Variants in RNF182 observed in about 807,000 individuals in gnomAD.
RNF182 encodes the protein ring finger protein 182, also known as E3 ubiquitin-protein ligase RNF182.
In RNF182, 15 loss-of-function variants were observed where a neutral mutation model predicts 14.4. The observed-to-expected ratio is 1.04, with a 90% CI of 0.70 to 1.60. The LOEUF is 1.60. Among genes scored for constraint, RNF182 ranks in the 40% most tolerant of loss-of-function variants. The pLI is 0.00. For missense variants in RNF182, 268 were observed against 294.8 expected (o/e 0.91, Z 0.67); for synonymous variants, 128 against 122.9 (o/e 1.04, Z -0.27).
At chr6:13,970,032 A>G (rs1330116) in intron 1 of RNF182, among the ~76,000 whole-genome samples, 51,352 of 152,060 alleles carry the variant, frequency 0.34, 9,221 homozygotes, top group East Asian at 0.44. Context: ...TTTTGTTAAT[A>G]TATAATAATT....
intron 1 of RNF182, among the ~76,000 whole-genome samples, chr6:13,951,714 G>A (rs1026380944): frequency 6.6e-6 from 1 of 152,220 alleles, no homozygotes; most frequent in Non-Finnish European, 1.5e-5. Flanking sequence ...TCTCTGAGTG[G>A]CTCTGATAGT....
chr6:13,935,348 T>G (rs546517392), intron 1 of RNF182, among the ~76,000 whole-genome samples: 69 of 152,296 alleles, frequency 4.5e-4, no homozygotes, highest in African/African-American at 1.6e-3. Flanking sequence ...CTGTGTTGTA[T>G]TCCCAGATGT....
At chr6:13,943,282 CTT>C (rs79895436) in intron 1 of RNF182, among the ~76,000 whole-genome samples, 4 of 142,946 alleles carry the variant, frequency 2.8e-5, no homozygotes, top group East Asian at 2.0e-4. Flanking sequence ...GTGGTTCCTG[CTT>C]TTTTTTTTTT....
At chr6:13,926,382 A>G (rs1758826237) in intron 1 of RNF182, among the ~76,000 whole-genome samples, 1 of 152,230 alleles carries the variant, frequency 6.6e-6, no homozygotes, top group African/African-American at 2.4e-5. Flanking sequence ...TGGGATTTCA[A>G]CACCTGTTAG....
chr6:13,941,027 A>G (rs369471949), intron 1 of RNF182, among the ~76,000 whole-genome samples: 1 of 152,044 alleles, frequency 6.6e-6, no homozygotes, highest in South Asian at 2.1e-4. Context: ...AATAGACTAT[A>G]CAATATAATC....
At chr6:13,941,224 A>G (rs1759291610) in intron 1 of RNF182, among the ~76,000 whole-genome samples, 2 of 152,078 alleles carry the variant, frequency 1.3e-5, no homozygotes, top group Non-Finnish European at 2.9e-5. Flanking sequence ...TTTTAAGTAT[A>G]TATTTTGAGG....
At chr6:13,964,627 G>A (rs1311472189) in intron 1 of RNF182, among the ~76,000 whole-genome samples, 1 of 152,182 alleles carries the variant, frequency 6.6e-6, no homozygotes, top group African/African-American at 2.4e-5. Context: ...AAAGCTGAGG[G>A]TGGGGAGTGG....
chr6:13,949,426 C>A, intron 1 of RNF182: 2 of 723,146 alleles, frequency 2.8e-6, no homozygotes, highest in South Asian at 3.0e-5. Flanking sequence ...TGAAAGCTGT[C>A]ATCTATAGGT....
At chr6:13,955,638 C>A (rs1237806600) in intron 1 of RNF182, among the ~76,000 whole-genome samples, 3 of 152,254 alleles carry the variant, frequency 2.0e-5, no homozygotes, top group East Asian at 1.9e-4. Flanking sequence ...ACCACAGGGC[C>A]CTTGATGCAT....
Position 13,976,927 on chromosome 6 carries a change from A to C in RNF182, c.-193A>C. ...TTTACAGACCCTTCATGTGGCCTTTATAAATATGCGTTTGAGACAGAGTTA... is the reference window on the plus strand; with the variant it reads ...TTTACAGACCCTTCATGTGGCCTTTCTAAATATGCGTTTGAGACAGAGTTA... On this transcript the variant is annotated 5_prime_UTR_variant, in exon 3 of 3. Transcript: ENST00000488300. 1.6e-6 allele frequency: 1 copy of C among 625,276 alleles called. No individual in the cohort carries two copies. Among genetic ancestry groups the C allele is most frequent in the Non-Finnish European group, 2.8e-6 (1 of 355,196 alleles). 38.7% of individuals were successfully genotyped at this position (625,276 alleles called of 1,614,324 possible). A position where few individuals can be genotyped will look rare whatever the true frequency, so the allele number is the denominator to read the frequency against.
intron 1 of RNF182, among the ~76,000 whole-genome samples, chr6:13,943,842 A>T (rs926461428): frequency 7.9e-5 from 12 of 152,164 alleles, no homozygotes; most frequent in African/African-American, 1.2e-4. Flanking sequence ...AAATGCTGGG[A>T]TGTACTAAAC....
chr6:13,972,153 A>G (rs1760202750), intron 1 of RNF182, among the ~76,000 whole-genome samples: 1 of 151,964 alleles, frequency 6.6e-6, no homozygotes, highest in African/African-American at 2.4e-5. Flanking sequence ...CAAAAAAAAA[A>G]AATTAGCTGG....
chr6:13,949,646 C>T (rs1278244075), intron 1 of RNF182: 14 of 330,816 alleles, frequency 4.2e-5, no homozygotes, highest in Admixed American at 2.8e-4. Flanking sequence ...TTATCATGAT[C>T]GAACAAACCT....
In RNF182 at chr6:13,943,077, T is replaced by C. The variant is rs772321787; in HGVS notation, c.-367+18054T>C. ...GATACAAACAGCCCTGATAGAGCTA[T>C]AGTTATTTAATTACATTCAGGGAAT... On this transcript the variant is annotated intron_variant, in intron 1 of 2. Coordinates refer to ENST00000488300, the MANE Select transcript of RNF182 (RefSeq NM_152737.4). Among the ~76,000 whole-genome samples, 115 of 152,340 alleles carry C rather than the reference T, an allele frequency of 7.5e-4. 1 individual carries two copies. The highest frequency in any genetic ancestry group is 1.4e-3 in the Non-Finnish European group (95 of 68,036).
At chr6:13,944,791 GGTCATATA>G (rs1156687931) in intron 1 of RNF182, among the ~76,000 whole-genome samples, 4 of 152,034 alleles carry the variant, frequency 2.6e-5, no homozygotes, top group Non-Finnish European at 5.9e-5. Flanking sequence ...ACATGTTCAG[GGTCATATA>G]GTCAGTGATC....
chr6:13,963,407 C>T (rs75834056), intron 1 of RNF182, among the ~76,000 whole-genome samples: 2,202 of 152,282 alleles, frequency 0.014, 63 homozygotes, highest in African/African-American at 0.05. Context: ...AAAAGCACCT[C>T]AAAACTAGTG....
At chr6:13,961,731 A>G (rs1759889053) in intron 1 of RNF182, among the ~76,000 whole-genome samples, 1 of 152,196 alleles carries the variant, frequency 6.6e-6, no homozygotes, top group Non-Finnish European at 1.5e-5. Flanking sequence ...ATCCTAATAA[A>G]TAGATTATGA....
At chr6:13,935,018 T>G (rs1759072039) in intron 1 of RNF182, among the ~76,000 whole-genome samples, 1 of 152,244 alleles carries the variant, frequency 6.6e-6, no homozygotes, top group African/African-American at 2.4e-5. Context: ...TTGGGTTTTA[T>G]TCTATGTGGA....
chr6:13,925,485 A>T (rs1476876574), intron 1 of RNF182: 1 of 152,164 alleles, frequency 6.6e-6, no homozygotes, highest in Non-Finnish European at 1.5e-5. Flanking sequence ...AAGTGAGCCC[A>T]TTTTTATGCC....
Sources: allele counts gnomAD v4.1 joint callset (sites outside exome capture counted in the v4.1 genomes callset), GRCh38; gene constraint gnomAD v4.1.1; transcripts MANE v1.5; gene names NCBI Gene and HGNC (gene_info 2026-07-23, HGNC 2026-07-21).